The following KCNB2 variants were observed in gnomAD, a reference collection of about 807,000 sequenced individuals.
KCNB2 encodes potassium voltage-gated channel subfamily B member 2, also known as delayed rectifier potassium channel protein.
In KCNB2, 15 loss-of-function variants were observed where a neutral mutation model predicts 61.5. The ratio of observed to expected loss-of-function variants is 0.24; its 90% CI spans 0.16 to 0.38. The LOEUF is 0.38. Ranked by LOEUF, KCNB2 falls within the 10% of genes least tolerant of loss-of-function variation. KCNB2 has a pLI of 1.00. For missense variants in KCNB2, 828 were observed against 1,125.2 expected (o/e 0.74, Z 3.78); for synonymous variants, 457 against 446.0 (o/e 1.02, Z -0.31).
At chr8:72,800,307 G>A (rs1036105998) in intron 2 of KCNB2, among the ~76,000 whole-genome samples, 2 of 152,090 alleles carry the variant, frequency 1.3e-5, no homozygotes, top group South Asian at 2.1e-4. Flanking sequence ...AAAACAGTCC[G>A]ATTTATTTTG....
intron 2 of KCNB2, among the ~76,000 whole-genome samples, chr8:72,657,556 C>T (rs1290166144): frequency 2.0e-5 from 3 of 152,056 alleles, no homozygotes; most frequent in African/African-American, 7.2e-5. Flanking sequence ...GGAAATGGAA[C>T]ATTTATTCAT....
intron 2 of KCNB2, among the ~76,000 whole-genome samples, chr8:72,927,169 T>C (rs1806667946): frequency 6.6e-6 from 1 of 152,198 alleles, no homozygotes; most frequent in South Asian, 2.1e-4. Flanking sequence ...AACTGGTCTA[T>C]AGAAGGAAGC....
chr8:72,654,165 C>T (rs540289117), intron 2 of KCNB2, among the ~76,000 whole-genome samples: 5 of 152,276 alleles, frequency 3.3e-5, no homozygotes, highest in African/African-American at 1.2e-4. Flanking sequence ...CAGGACTCCA[C>T]TGGGCTCTGA....
At chr8:72,727,809 A>G (rs1343861305) in intron 2 of KCNB2, among the ~76,000 whole-genome samples, 1 of 152,246 alleles carries the variant, frequency 6.6e-6, no homozygotes, top group Non-Finnish European at 1.5e-5. Context: ...GATCCTTTAT[A>G]TAAGAAGGAA....
intron 2 of KCNB2, among the ~76,000 whole-genome samples, chr8:72,571,800 G>C (rs1176908082): frequency 6.6e-6 from 1 of 152,106 alleles, no homozygotes; most frequent in Non-Finnish European, 1.5e-5. Flanking sequence ...ATCGTGCAAG[G>C]GGAAGAAAAG....
intron 1 of KCNB2, among the ~76,000 whole-genome samples, chr8:72,562,210 G>A (rs570624887): frequency 2.6e-5 from 4 of 152,150 alleles, no homozygotes; most frequent in African/African-American, 9.6e-5. Flanking sequence ...GACTTACCCT[G>A]CCTGGCTCCA....
intron 2 of KCNB2, among the ~76,000 whole-genome samples, chr8:72,928,930 T>A (rs1017880112): frequency 2.8e-5 from 4 of 145,374 alleles, no homozygotes; most frequent in Non-Finnish European, 4.7e-5. Flanking sequence ...TGTATTTAAC[T>A]GGGAGATAAA....
chr8:72,933,795 C>T (rs1048528239), intron 2 of KCNB2, among the ~76,000 whole-genome samples: 1 of 152,186 alleles, frequency 6.6e-6, no homozygotes, highest in Non-Finnish European at 1.5e-5. Flanking sequence ...AAGGGAGTTT[C>T]TAACTTTAGC....
At chr8:72,743,908 A>G (rs982333239) in intron 2 of KCNB2, among the ~76,000 whole-genome samples, 2 of 152,116 alleles carry the variant, frequency 1.3e-5, no homozygotes, top group African/African-American at 4.8e-5. Context: ...AGATGGCCTT[A>G]TATTTCATAA....
intron 2 of KCNB2, among the ~76,000 whole-genome samples, chr8:72,854,734 G>C (rs969595416): frequency 6.6e-6 from 1 of 152,074 alleles, no homozygotes; most frequent in African/African-American, 2.4e-5. Context: ...TGGAGAAAAA[G>C]TGGGAGGAAG....
chr8:72,748,016 C>T (rs2250019), intron 2 of KCNB2, among the ~76,000 whole-genome samples: 48,647 of 152,044 alleles, frequency 0.32, 8,049 homozygotes, highest in African/African-American at 0.37. Context: ...TGTTCAGCTC[C>T]CCTGCTCTTT....
At chr8:72,695,770 G>A (rs555448869) in intron 2 of KCNB2, among the ~76,000 whole-genome samples, 1 of 152,166 alleles carries the variant, frequency 6.6e-6, no homozygotes, top group Admixed American at 6.6e-5. Flanking sequence ...TGACACATCA[G>A]TATATTCATA....
intron 2 of KCNB2, among the ~76,000 whole-genome samples, chr8:72,871,967 C>T (rs1328341617): frequency 3.9e-5 from 6 of 152,190 alleles, no homozygotes; most frequent in South Asian, 2.1e-4. Flanking sequence ...AAGTCCATTA[C>T]ACCTTGGAGC....
At chr8:72,544,038 T>C (rs1039236867) in intron 1 of KCNB2, among the ~76,000 whole-genome samples, 1 of 152,310 alleles carries the variant, frequency 6.6e-6, no homozygotes, top group East Asian at 1.9e-4. Flanking sequence ...AATTTGATGA[T>C]TTAATTATCA....
chr8:72,900,437 C>G (rs1403614697), intron 2 of KCNB2, among the ~76,000 whole-genome samples: 1 of 152,052 alleles, frequency 6.6e-6, no homozygotes, highest in African/African-American at 2.4e-5. Context: ...TCAGCCTTGG[C>G]AAAGAATTTT....
chr8:72,687,659 G>T (rs144546596), intron 2 of KCNB2, among the ~76,000 whole-genome samples: 1 of 152,118 alleles, frequency 6.6e-6, no homozygotes, highest in African/African-American at 2.4e-5. Flanking sequence ...AGAATTAGTT[G>T]GTTCTTTCAA....
chr8:72,565,698 G>A (rs992906708), intron 1 of KCNB2, among the ~76,000 whole-genome samples: 1 of 151,614 alleles, frequency 6.6e-6, no homozygotes, highest in Non-Finnish European at 1.5e-5. Context: ...ACATTCTGAT[G>A]TATATTATAT....
intron 1 of KCNB2, among the ~76,000 whole-genome samples, chr8:72,558,208 C>A (rs779358042): frequency 6.6e-6 from 1 of 152,194 alleles, no homozygotes; most frequent in African/African-American, 2.4e-5. Flanking sequence ...TTGTACTTTG[C>A]TGTTGTTGCT....
chr8:72,836,063 T>A (rs1351420476), intron 2 of KCNB2, among the ~76,000 whole-genome samples: 1 of 152,224 alleles, frequency 6.6e-6, no homozygotes, highest in East Asian at 1.9e-4. Context: ...ATTCTCTAGA[T>A]TTTAAGTTAA....
Sources: allele counts gnomAD v4.1 joint callset (sites outside exome capture counted in the v4.1 genomes callset), GRCh38; gene constraint gnomAD v4.1.1; transcripts MANE v1.5; gene names NCBI Gene and HGNC (gene_info 2026-07-23, HGNC 2026-07-21).